The following SLC26A5 variants were observed in gnomAD, a reference collection of about 807,000 sequenced individuals.
SLC26A5 encodes the protein prestin.
A neutral mutation model predicts 81.0 loss-of-function variants in SLC26A5; 51 were observed. The ratio of observed to expected loss-of-function variants is 0.63; its 90% CI spans 0.50 to 0.80. The LOEUF is 0.80. Ranked by LOEUF, SLC26A5 falls within the 30% of genes least tolerant of loss-of-function variation. The pLI is 0.00. For missense variants in SLC26A5, 771 were observed against 905.8 expected, an observed-to-expected ratio of 0.85 and a Z score of 1.91; for synonymous variants, 325 against 332.8, an observed-to-expected ratio of 0.98 and a Z score of 0.25.
chr7:103,425,106 C>A (rs895407997), intron 2 of SLC26A5, among the ~76,000 whole-genome samples: 1 of 152,164 alleles, frequency 6.6e-6, no homozygotes, highest in African/African-American at 2.4e-5. Context: ...TCGTGACACC[C>A]GTGAATCTGA....
intron 9 of SLC26A5, among the ~76,000 whole-genome samples, chr7:103,393,931 T>C (rs1305342166): frequency 6.6e-6 from 1 of 152,216 alleles, no homozygotes; most frequent in Non-Finnish European, 1.5e-5. Flanking sequence ...ATTTATTATA[T>C]GCTTTCTCTG....
At chr7:103,390,593 A>G in intron 11 of SLC26A5, 87 bp from the exon 12 acceptor site, 3 of 1,051,176 alleles carry the variant, frequency 2.9e-6, no homozygotes, top group South Asian at 1.3e-5. Flanking sequence ...TTTGATAATT[A>G]CTATGGGAAG....
In SLC26A5 at chr7:103,367,230, C is replaced by CAAAG. The variant is rs147363592; in HGVS notation, c.2041+9574_2041+9577dup. On this transcript the variant is annotated intron_variant, in intron 19 of 19. Coordinates refer to the SLC26A5 transcript ENST00000339444. The surrounding 1 kb of genome is among the most constrained non-coding windows in gnomAD (Gnocchi z 6.1). Reference sequence around the variant, plus strand: ...AATCTGTGATGAATACTTTTGAAAGCAAAGATTCACTTTCTAATTAGTTTT... The same window carrying CAAAG: ...AATCTGTGATGAATACTTTTGAAAGCAAAGAAAGATTCACTTTCTAATTAGTTTT... 0.068 allele frequency among the ~76,000 whole-genome samples: 10,308 copies of CAAAG among 152,138 alleles called. 491 individuals carry two copies. The highest frequency in any genetic ancestry group is 0.14 in the African/African-American group (5,667 of 41,464).
chr7:103,383,749 A>T (rs1821970518), intron 14 of SLC26A5, among the ~76,000 whole-genome samples: 2 of 152,076 alleles, frequency 1.3e-5, no homozygotes, highest in Admixed American at 6.5e-5. Flanking sequence ...ATCATGGCTC[A>T]CTGTAGCCTT....
At chr7:103,400,782 C>G (rs190037903) in intron 8 of SLC26A5, among the ~76,000 whole-genome samples, 1 of 152,146 alleles carries the variant, frequency 6.6e-6, no homozygotes, top group Non-Finnish European at 1.5e-5. Context: ...CCACATATGG[C>G]TAGCCAGTTT....
At chr7:103,437,606 A>G (rs771569612) in intron 2 of SLC26A5, among the ~76,000 whole-genome samples, 1 of 152,260 alleles carries the variant, frequency 6.6e-6, no homozygotes, top group Non-Finnish European at 1.5e-5. Context: ...CAGCCTTAAA[A>G]AAGAAAGAAA....
downstream of SLC26A5, among the ~76,000 whole-genome samples, chr7:103,373,626 A>G (rs1314859646): frequency 2.0e-5 from 3 of 152,204 alleles, no homozygotes; most frequent in Non-Finnish European, 4.4e-5. Flanking sequence ...CATAGAATGA[A>G]TATCAGTTTG....
intron 19 of SLC26A5, chr7:103,368,392 A>G (rs1820833882): frequency 5.8e-6 from 1 of 173,068 alleles, no homozygotes; most frequent in African/African-American, 2.4e-5. Flanking sequence ...AGATTATCAA[A>G]TGGATCTTCA....
At chr7:103,371,226 T>C (rs1174800985), downstream of SLC26A5, among the ~76,000 whole-genome samples, 2 of 152,242 alleles carry the variant, frequency 1.3e-5, no homozygotes, top group African/African-American at 4.8e-5. Flanking sequence ...TTAAGACTTG[T>C]GCTTTTAATA....
chr7:103,401,259 G>A (rs1823563968), intron 8 of SLC26A5, among the ~76,000 whole-genome samples: 1 of 152,146 alleles, frequency 6.6e-6, no homozygotes. Context: ...GCAGTGGTTT[G>A]TAGTTCTCCT....
chr7:103,362,794 CTT>C (rs368268286), intron 19 of SLC26A5: 41,176 of 802,970 alleles, frequency 0.051, no homozygotes, highest in East Asian at 0.065. Context: ...AAGGCTATGT[CTT>C]TTTTTTTTTT....
intron 2 of SLC26A5, among the ~76,000 whole-genome samples, chr7:103,428,520 T>G (rs1019165531): frequency 6.6e-6 from 1 of 151,916 alleles, no homozygotes; most frequent in African/African-American, 2.4e-5. Context: ...AATTTATTAT[T>G]ATTTTGTGAT....
chr7:103,357,792 T>G (rs940784029), intron 19 of SLC26A5, among the ~76,000 whole-genome samples: 8 of 152,186 alleles, frequency 5.3e-5, no homozygotes, highest in African/African-American at 1.7e-4. Context: ...CCTGGTTTTC[T>G]GTGCATATAT....
intron 9 of SLC26A5, among the ~76,000 whole-genome samples, chr7:103,395,517 AT>A (rs1823028061): frequency 5.9e-5 from 6 of 101,884 alleles, no homozygotes; most frequent in African/African-American, 1.1e-4. Flanking sequence ...ATATATATAT[AT>A]ATAAATTTTT....
At chr7:103,381,717 A>G (rs1190905855) in intron 14 of SLC26A5, among the ~76,000 whole-genome samples, 1 of 151,656 alleles carries the variant, frequency 6.6e-6, no homozygotes. Flanking sequence ...ACTACATGCC[A>G]CACACAATAC....
At chr7:103,388,309 GC>G (rs1320388266) in intron 14 of SLC26A5, among the ~76,000 whole-genome samples, 4 of 148,418 alleles carry the variant, frequency 2.7e-5, no homozygotes, top group African/African-American at 7.5e-5. Context: ...CAATTCTCCT[GC>G]CTTAGCCTCC....
At chr7:103,417,385 A>G (rs1470871785) in intron 4 of SLC26A5, among the ~76,000 whole-genome samples, 6 of 149,742 alleles carry the variant, frequency 4.0e-5, no homozygotes, top group African/African-American at 1.5e-4. Flanking sequence ...AAAAAAAAAA[A>G]GAAAAAAAAA....
intron 5 of SLC26A5, among the ~76,000 whole-genome samples, chr7:103,412,408 T>C (rs1824555871): frequency 6.6e-6 from 1 of 152,088 alleles, no homozygotes; most frequent in South Asian, 2.1e-4. Context: ...AGCTGGCAAA[T>C]TACATTATGA....
chr7:103,427,644 A>AAT (rs1214457969), intron 2 of SLC26A5, among the ~76,000 whole-genome samples: 10 of 152,334 alleles, frequency 6.6e-5, no homozygotes, highest in African/African-American at 2.4e-4. Context: ...GCTGCATGCC[A>AAT]ATAATGAAGA....
Sources: gnomAD v4.1 joint callset for allele counts (sites outside exome capture counted in the v4.1 genomes callset) on GRCh38, gnomAD v4.1.1 for gene constraint, Gnocchi (gnomAD v3.1) non-coding constraint, MANE v1.5 for transcripts, NCBI Gene and HGNC (gene_info 2026-07-23, HGNC 2026-07-21) for gene names.